The following KIAA0513 variants were observed in gnomAD, a reference collection of about 807,000 sequenced individuals.
The protein encoded by KIAA0513 is uncharacterized protein KIAA0513.
In KIAA0513, 39 loss-of-function variants were observed where a neutral mutation model predicts 56.5. The observed-to-expected ratio is 0.69, with a 90% CI of 0.53 to 0.90. KIAA0513 has a LOEUF of 0.90. Ranked by LOEUF, KIAA0513 falls within the 40% of genes least tolerant of loss-of-function variation. KIAA0513 has a pLI of 0.00. For missense variants in KIAA0513, 591 were observed against 535.2 expected (o/e 1.10, Z -1.03); for synonymous variants, 268 against 215.6 (o/e 1.24, Z -2.13).
Position 85,067,013 on chromosome 16 carries a change from T to C in KIAA0513, c.-59T>C. On this transcript the variant is annotated 5_prime_UTR_variant, in exon 2 of 13. Transcript: ENST00000683363. ...TAACGCACCTGGGACACCAGGCTGCTGGGCTCCCCTCTAGGCAGCCTCCCC... is the reference window on the plus strand; with the variant it reads ...TAACGCACCTGGGACACCAGGCTGCCGGGCTCCCCTCTAGGCAGCCTCCCC... The C allele has an allele frequency of 6.9e-7, 1 of 1,445,708 alleles. No individual in the cohort carries two copies. The highest frequency in any genetic ancestry group is 9.2e-7 in the Non-Finnish European group (1 of 1,083,840). 89.6% of individuals were successfully genotyped at this position (1,445,708 alleles called of 1,614,324 possible).
intron 1 of KIAA0513, among the ~76,000 whole-genome samples, chr16:85,035,139 G>A (rs895528492): frequency 1.3e-5 from 2 of 152,150 alleles, no homozygotes; most frequent in Non-Finnish European, 2.9e-5. Flanking sequence ...GGAGCCCCCA[G>A]TTCTCCGAGC....
At chr16:85,036,806 A>T (rs912553478) in intron 1 of KIAA0513, among the ~76,000 whole-genome samples, 2 of 152,126 alleles carry the variant, frequency 1.3e-5, no homozygotes, top group Non-Finnish European at 2.9e-5. Flanking sequence ...TTTCACACAC[A>T]GTTTGGTGGT....
chr16:85,053,081 G>A (rs1048048887), intron 1 of KIAA0513, among the ~76,000 whole-genome samples: 2 of 152,088 alleles, frequency 1.3e-5, no homozygotes, highest in East Asian at 1.9e-4. Context: ...TAGAAACAGG[G>A]TTTCACCATG....
At chr16:85,068,418 C>T (rs148959451) in intron 2 of KIAA0513, among the ~76,000 whole-genome samples, 2,857 of 151,900 alleles carry the variant, frequency 0.019, 93 homozygotes, top group African/African-American at 0.065. Flanking sequence ...CTGCAAGGTC[C>T]GCCTCCTGGG....
At chr16:85,084,135 C>T (rs9806844) in intron 10 of KIAA0513, among the ~76,000 whole-genome samples, 6 of 148,902 alleles carry the variant, frequency 4.0e-5, no homozygotes, top group African/African-American at 1.5e-4. Flanking sequence ...AATCTCAGCT[C>T]ACTGCAACCT....
chr16:85,055,743 T>G (rs1174947105), intron 1 of KIAA0513, among the ~76,000 whole-genome samples: 3 of 152,178 alleles, frequency 2.0e-5, no homozygotes, highest in Non-Finnish European at 2.9e-5. Context: ...CATTTGCCCT[T>G]CTTCTCACCT....
Position 85,086,732 on chromosome 16 carries a change from C to A in KIAA0513, c.1091+8C>A, listed in dbSNP as rs201925976. 1 of 1,609,962 alleles carries A rather than the reference C, an allele frequency of 6.2e-7. No homozygotes were observed. Among genetic ancestry groups the A allele is most frequent in the Admixed American group, 1.7e-5 (1 of 59,546 alleles). The stretch of plus-strand genomic sequence containing the variant: ...CACCTTCGGGCAGCTGGGGTAAGGG[C>A]CAGAGTGGGAAAGCGGGAGGGGAGA... On this transcript the variant is annotated splice_region_variant and intron_variant, in intron 11 of 12. Coordinates refer to ENST00000683363, the MANE Select transcript of KIAA0513 (RefSeq NM_001388359.1).
intron 10 of KIAA0513, 130 bp downstream of exon 10, chr16:85,082,723 G>A: frequency 1.0e-6 from 1 of 967,690 alleles, no homozygotes; most frequent in Non-Finnish European, 1.5e-6. Context: ...GCAGCCTGGT[G>A]GCCGGCGGGG....
chr16:85,072,284 A>G (rs879780976), intron 3 of KIAA0513, among the ~76,000 whole-genome samples: 2 of 152,126 alleles, frequency 1.3e-5, no homozygotes, highest in Non-Finnish European at 2.9e-5. Flanking sequence ...TGGGCTTTCA[A>G]CTTTATGAAA....
rs148430430 is a variant in KIAA0513, at chr16:85,067,178, G to T, written c.107G>T (p.Gly36Val). Residue 36 changes from glycine to valine, a missense_variant, in exon 2 of 13, where the codon GGC becomes GTC. Physicochemically the swap from Gly to Val is moderately radical, Grantham distance 109. Transcript: ENST00000683363. ...CCCCCTGTGCTGCAGGACGGCGATG[G>T]CTCCCTGGGGGACGGTGCATCAGAG... ...APPPVLQDGD[G>V]SLGDGASESE... The T allele has an allele frequency of 7.1e-5, 114 of 1,614,154 alleles. No individual in the cohort carries two copies. The Admixed American group carries it at 1.2e-3, about 17-fold the overall frequency.
chr16:85,075,786 C>T lies in KIAA0513; in HGVS notation c.504-58C>T, dbSNP rs2073647419. The T allele has an allele frequency of 4.6e-6, 7 of 1,517,398 alleles. 1 individual carries two copies. Among genetic ancestry groups the T allele is most frequent in the Middle Eastern group, 1.7e-4 (1 of 5,800 alleles). 94.0% of individuals were successfully genotyped at this position (1,517,398 alleles called of 1,614,324 possible). ...AAGTGTCTCAGTGATGTCTGACCGA[C>T]TTGCAGGAAGAAGCAGGTGGAGCGA... On this transcript the variant is annotated intron_variant, in intron 4 of 12. Transcript: ENST00000683363.
At chr16:85,029,454 G>A (rs2072933018) in intron 1 of KIAA0513, among the ~76,000 whole-genome samples, 1 of 152,226 alleles carries the variant, frequency 6.6e-6, no homozygotes, top group African/African-American at 2.4e-5. Context: ...ATAATCTGCT[G>A]CCAAATCCCA....
At chr16:85,048,306 A>G (rs8051294) in intron 1 of KIAA0513, among the ~76,000 whole-genome samples, 63,577 of 151,966 alleles carry the variant, frequency 0.42, 14,606 homozygotes, top group African/African-American at 0.61. Context: ...ACGCGAGCCT[A>G]TCCTTTCCAC....
At chr16:85,043,740 G>A (rs745522863) in intron 1 of KIAA0513, among the ~76,000 whole-genome samples, 3 of 152,086 alleles carry the variant, frequency 2.0e-5, no homozygotes, top group African/African-American at 4.8e-5. Context: ...GGATTGAAAT[G>A]CCTTACTTGA....
chr16:85,070,896 G>A (rs1051982003), intron 2 of KIAA0513, among the ~76,000 whole-genome samples: 1 of 152,198 alleles, frequency 6.6e-6, no homozygotes, highest in Non-Finnish European at 1.5e-5. Context: ...AATACGGAAT[G>A]TGGACACCTG....
intron 1 of KIAA0513, among the ~76,000 whole-genome samples, chr16:85,031,180 G>A (rs959731558): frequency 6.6e-6 from 1 of 152,162 alleles, no homozygotes; most frequent in Admixed American, 6.5e-5. Context: ...AAAAGTAATC[G>A]TTAGAAAGAC....
At position 85,091,606 on chromosome 16, in the gene KIAA0513, G is replaced by A. The variant is rs1282646344; in HGVS notation, c.*3281G>A. On this transcript the variant is annotated 3_prime_UTR_variant, in exon 13 of 13. Coordinates refer to ENST00000683363, the MANE Select transcript of KIAA0513 (RefSeq NM_001388359.1). ...AAACCAGCACCGAGGCCCAGTGGGGGAATCACAGACATCACCAAGTCTCGT... is the reference window on the plus strand; with the variant it reads ...AAACCAGCACCGAGGCCCAGTGGGGAAATCACAGACATCACCAAGTCTCGT... The A allele has an allele frequency of 6.6e-6, 1 of 152,198 alleles. No individual in the cohort carries two copies. Among genetic ancestry groups the A allele is most frequent in the Non-Finnish European group, 1.5e-5 (1 of 68,042 alleles). 9.4% of individuals were successfully genotyped at this position (152,198 alleles called of 1,614,324 possible). A position where few individuals can be genotyped will look rare whatever the true frequency, so the allele number is the denominator to read the frequency against.
chr16:85,041,958 T>C (rs1034780792), intron 1 of KIAA0513, among the ~76,000 whole-genome samples: 8 of 152,334 alleles, frequency 5.3e-5, no homozygotes, highest in African/African-American at 1.9e-4. Context: ...TGCGCACTCC[T>C]GTCCCTCCTT....
chr16:85,093,452 G>C lies in KIAA0513; in HGVS notation c.*5127G>C, dbSNP rs2073891012. ...GGACCTGACAAAACAGTCAGAGCCT[G>C]AGTGCACTGCAGCCTGAACTCCCTT... On this transcript the variant is annotated 3_prime_UTR_variant, in exon 13 of 13. Coordinates refer to ENST00000683363, the MANE Select transcript of KIAA0513 (RefSeq NM_001388359.1). 1 of 152,640 alleles carries C rather than the reference G, an allele frequency of 6.6e-6. No individual in the cohort carries two copies. Among genetic ancestry groups the C allele is most frequent in the African/African-American group, 2.4e-5 (1 of 41,460 alleles). The allele number at this position is 152,640 out of a possible 1,614,324, so 9.5% of individuals were successfully genotyped here. A position where few individuals can be genotyped will look rare whatever the true frequency, so the allele number is the denominator to read the frequency against.
Sources: gnomAD v4.1 joint callset for allele counts (sites outside exome capture counted in the v4.1 genomes callset) on GRCh38, gnomAD v4.1.1 for gene constraint, MANE v1.5 for transcripts, NCBI Gene and HGNC (gene_info 2026-07-23, HGNC 2026-07-21) for gene names.